RNF111: variants seen among roughly 807,000 people sequenced by gnomAD.
RNF111 encodes the protein E3 ubiquitin-protein ligase Arkadia.
Under a neutral mutation model 95.1 loss-of-function variants are expected in RNF111, and 17 were observed. The observed-to-expected ratio is 0.18, with a 90% confidence interval of 0.12 to 0.27. RNF111 has a LOEUF of 0.27. RNF111 is among the 10% of genes least tolerant of loss of function. The pLI, the probability that RNF111 is intolerant of heterozygous loss-of-function variation, is 1.00. For synonymous variants in RNF111, 440 were observed against 414.8 expected (o/e 1.06, Z -0.74); for missense variants, 1,189 against 1,210.4 (o/e 0.98, Z 0.26).
At chr15:59,001,636 C>G (rs1336576912) in intron 1 of RNF111, among the ~76,000 whole-genome samples, 1 of 152,134 alleles carries the variant, frequency 6.6e-6, no homozygotes, top group Non-Finnish European at 1.5e-5. Flanking sequence ...AAGACTAAGT[C>G]TATTTTGACA....
At chr15:59,093,147 T>G (rs1218730986) in intron 13 of RNF111, among the ~76,000 whole-genome samples, 1 of 151,880 alleles carries the variant, frequency 6.6e-6, no homozygotes, top group Non-Finnish European at 1.5e-5. Context: ...AACATGGGAG[T>G]GGGAAATATA....
At chr15:59,047,576 T>A (rs144899740) in intron 2 of RNF111, among the ~76,000 whole-genome samples, 94 of 152,280 alleles carry the variant, frequency 6.2e-4, no homozygotes, top group Middle Eastern at 3.4e-3. Flanking sequence ...GTGTTTTTTT[T>A]AATTATTATT....
chr15:59,089,846 G>A, intron 11 of RNF111, 87 bp downstream of exon 11: 1 of 825,474 alleles, frequency 1.2e-6, no homozygotes, highest in South Asian at 1.8e-5. Context: ...AATTGTGTAG[G>A]ACTGCTACAG....
chr15:58,997,799 T>G (rs184635651), intron 1 of RNF111, among the ~76,000 whole-genome samples: 219 of 150,898 alleles, frequency 1.5e-3, no homozygotes, highest in African/African-American at 4.7e-3. Flanking sequence ...CTGGCGACAG[T>G]GTGAGACTCC....
At chr15:59,090,992 T>A in intron 11 of RNF111, 67 bp from the exon 12 acceptor site, 1 of 947,024 alleles carries the variant, frequency 1.1e-6, no homozygotes, top group Non-Finnish European at 1.7e-6. Context: ...TCTTATACAA[T>A]GTTGACAGTT....
rs35563547 is a variant in RNF111 at position 59,083,143 on chromosome 15, T to TAA, written c.2298-976_2298-975dup. On this transcript the variant is annotated intron_variant, in intron 8 of 13. Transcript: ENST00000348370. ...GATCCTGGAGCAAGATTCTGCCGCT[T>TAA]AAAAAAAAAAAGAAGCAAAAAATGA... Among the ~76,000 whole-genome samples, 1,199 of 147,692 alleles carry TAA rather than the reference T, an allele frequency of 8.1e-3. 12 individuals are homozygous for TAA. Among genetic ancestry groups the TAA allele is most frequent in the Middle Eastern group, 0.045 (13 of 292 alleles).
At chr15:59,093,982 A>T (rs1238939143) in intron 13 of RNF111, among the ~76,000 whole-genome samples, 1 of 152,022 alleles carries the variant, frequency 6.6e-6, no homozygotes, top group African/African-American at 2.4e-5. Flanking sequence ...GTGTATAAAA[A>T]CTCTTAACAG....
At chr15:59,073,900 T>G (rs1074702) in intron 6 of RNF111, among the ~76,000 whole-genome samples, 40,057 of 152,104 alleles carry the variant, frequency 0.26, 5,365 homozygotes, top group East Asian at 0.42. Context: ...TGATTCATAG[T>G]CTGCAGACTG....
rs77138536 is a variant in RNF111 at position 59,009,597 on chromosome 15, A to G, written c.-19-21207A>G. 9.1e-3 allele frequency among the ~76,000 whole-genome samples: 1,378 copies of G among 151,970 alleles called. 33 individuals carry two copies. Among genetic ancestry groups the G allele is most frequent in the African/African-American group, 0.031 (1,282 of 41,430 alleles). ...GATTAGATAATATAGAACGATACCAAAATTAGAACTTGGAGCATTTGTGAG... is the reference window on the plus strand; with the variant it reads ...GATTAGATAATATAGAACGATACCAGAATTAGAACTTGGAGCATTTGTGAG... On this transcript the variant is annotated intron_variant, in intron 1 of 13. Transcript: ENST00000348370.
At chr15:59,072,617 A>AT (rs1180121489) in intron 6 of RNF111, among the ~76,000 whole-genome samples, 9 of 150,950 alleles carry the variant, frequency 6.0e-5, no homozygotes, top group Admixed American at 4.6e-4. Flanking sequence ...CGCCTGGCTA[A>AT]TTTTTTTGTA....
intron 1 of RNF111, among the ~76,000 whole-genome samples, chr15:59,013,231 A>C (rs1459293955): frequency 1.3e-5 from 2 of 152,224 alleles, no homozygotes; most frequent in African/African-American, 4.8e-5. Context: ...ACATTGCAAA[A>C]ATAGTACACA....
intron 5 of RNF111, among the ~76,000 whole-genome samples, chr15:59,059,899 C>T (rs1050293756): frequency 4.6e-5 from 7 of 152,222 alleles, no homozygotes; most frequent in South Asian, 2.1e-4. Context: ...ATTTTCTATC[C>T]CTTTTTGCTT....
Position 59,076,229 on chromosome 15 carries a change from T to C in RNF111, c.1948+14T>C. ...TGCCACCCCCTTGTAAGTATATACT[T>C]AGTGGACACAAAATCTAGAGTCATG... On this transcript the variant is annotated intron_variant, in intron 7 of 13. Coordinates refer to ENST00000348370, the MANE Select transcript of RNF111 (RefSeq NM_017610.8). 1.9e-6 allele frequency: 3 copies of C among 1,605,186 alleles called. No individual in the cohort carries two copies. Among genetic ancestry groups the C allele is most frequent in the African/African-American group, 1.3e-5 (1 of 74,898 alleles).
At position 58,987,877 on chromosome 15, in the gene RNF111, G is replaced by C. The variant is rs2038634436; in HGVS notation, c.-211G>C. 1 of 153,458 alleles carries C rather than the reference G, an allele frequency of 6.5e-6. No homozygotes were observed. Among genetic ancestry groups the C allele is most frequent in the African/African-American group, 2.4e-5 (1 of 41,476 alleles). 9.5% of individuals were successfully genotyped at this position (153,458 alleles called of 1,614,324 possible). On this transcript the variant is annotated 5_prime_UTR_variant, in exon 1 of 14. Transcript: ENST00000348370. ...CGCCGGCTTAGCTGGGCCGAGTCCA[G>C]GCGCTGCCGCACGTACAGTTTTGGT...
chr15:59,087,430 A>C (rs1467533860), intron 10 of RNF111, among the ~76,000 whole-genome samples: 4 of 152,226 alleles, frequency 2.6e-5, no homozygotes, highest in Non-Finnish European at 4.4e-5. Context: ...ATCAGAGTAT[A>C]ACTTTTGAGT....
chr15:59,092,189 G>A (rs1296155922), intron 12 of RNF111, among the ~76,000 whole-genome samples: 36 of 152,286 alleles, frequency 2.4e-4, no homozygotes, highest in Admixed American at 2.2e-3. Flanking sequence ...GATGTTACTT[G>A]AAACATTCAC....
chr15:58,999,844 T>C (rs2039246387), intron 1 of RNF111, among the ~76,000 whole-genome samples: 1 of 152,124 alleles, frequency 6.6e-6, no homozygotes, highest in African/African-American at 2.4e-5. Context: ...GAGCTTTTAC[T>C]CATGGTAGAG....
Position 59,081,127 on chromosome 15 carries a change from G to A in RNF111, c.2140G>A (p.Ala714Thr). The change falls in exon 8 of 14, where the codon GCC (alanine) becomes ACC (threonine). Residue 714 changes from alanine to threonine, a missense_variant. Physicochemically the swap from Ala to Thr is moderately conservative, Grantham distance 58. Coordinates refer to ENST00000348370, the MANE Select transcript of RNF111 (RefSeq NM_017610.8). ...GGCACCCCCACCACCAACTCACTTA[G>A]CCAGTACAGCTGCACCAATCCCTCA... ...PVAPPPPTHL[A>T]STAAPIPQHL... is the part of the protein sequence containing the mutation. 1.9e-6 allele frequency: 3 copies of A among 1,613,984 alleles called. No homozygotes were observed. The highest frequency in any genetic ancestry group is 1.1e-5 in the South Asian group (1 of 91,074).
rs779935654 is a variant in RNF111, at chr15:59,030,853, C to T, written c.31C>T (p.Leu11Phe). 2.9e-5 allele frequency: 45 copies of T among 1,573,880 alleles called. No individual in the cohort carries two copies. In the African/African-American group the frequency reaches 5.4e-4, roughly 19 times the overall value. Reference protein sequence around the residue: MSQWTPEYNELYTLKVDMKSE... With the variant: MSQWTPEYNEFYTLKVDMKSE... ...TCAATGGACTCCTGAATATAACGAG[C>T]TCTACACCTTAAAAGTGGATATGAA... is the stretch of plus-strand genomic sequence containing the variant. Residue 11 changes from leucine to phenylalanine, a missense_variant, in exon 2 of 14, where the codon CTC (leucine) becomes TTC (phenylalanine). By Grantham distance (22) the Leu-to-Phe change is conservative (BLOSUM62 0). This residue lies in a region of RNF111 where 1,024 missense variants were observed against 925.9 expected (regional missense o/e 1.11). Coordinates refer to ENST00000348370, the MANE Select transcript of RNF111 (RefSeq NM_017610.8).
Sources: gnomAD v4.1 joint callset for allele counts (sites outside exome capture counted in the v4.1 genomes callset) on GRCh38, gnomAD v4.1.1 for gene constraint, gnomAD v4.1.1 regional missense constraint, MANE v1.5 for transcripts, NCBI Gene and HGNC (gene_info 2026-07-23, HGNC 2026-07-21) for gene names.